AGBL4: variants seen among roughly 807,000 people sequenced by gnomAD.
AGBL4 encodes the protein cytosolic carboxypeptidase 6.
A neutral mutation model predicts 66.4 loss-of-function variants in AGBL4; 58 were observed. The observed-to-expected ratio is 0.87, with a 90% confidence interval of 0.71 to 1.09. The LOEUF is 1.09. Among genes scored for constraint, AGBL4 ranks in the 50% least tolerant of loss-of-function variants. The pLI, the probability that AGBL4 is intolerant of heterozygous loss-of-function variation, is 0.00. For synonymous variants in AGBL4, 234 were observed against 222.9 expected (o/e 1.05, Z -0.44); for missense variants, 579 against 631.0 (o/e 0.92, Z 0.88).
At chr1:49,474,051 G>A (rs1646800682) in intron 3 of AGBL4, among the ~76,000 whole-genome samples, 1 of 152,088 alleles carries the variant, frequency 6.6e-6, no homozygotes, top group African/African-American at 2.4e-5. Flanking sequence ...ATAGTTTGAA[G>A]TCAGGTAACA....
intron 3 of AGBL4, among the ~76,000 whole-genome samples, chr1:49,464,695 A>T (rs1318932790): frequency 6.6e-6 from 1 of 151,818 alleles, no homozygotes; most frequent in Non-Finnish European, 1.5e-5. Context: ...GAGATAACAC[A>T]GGCACATATC....
intron 2 of AGBL4, among the ~76,000 whole-genome samples, chr1:49,831,597 T>C (rs750569448): frequency 6.6e-5 from 10 of 152,192 alleles, no homozygotes; most frequent in Non-Finnish European, 1.5e-4. Flanking sequence ...TTGAATACCC[T>C]TTATTTCTTT....
At chr1:49,961,885 C>T (rs1297624421) in intron 1 of AGBL4, among the ~76,000 whole-genome samples, 1 of 152,092 alleles carries the variant, frequency 6.6e-6, no homozygotes, top group Admixed American at 6.6e-5. Flanking sequence ...GTTTTGTGTA[C>T]AGCACCTTTG....
intron 3 of AGBL4, among the ~76,000 whole-genome samples, chr1:49,504,174 C>T (rs1468247815): frequency 2.0e-5 from 3 of 152,056 alleles, no homozygotes; most frequent in Middle Eastern, 3.2e-3. Context: ...TCATTGGCAT[C>T]TCTCCTGCTT....
rs565530672 is a variant in AGBL4 at position 48,727,880 on chromosome 1, CAA to C, written c.635-64641_635-64640del. 2,787 of 1,599,672 alleles carry C rather than the reference CAA, an allele frequency of 1.7e-3. 5 individuals carry two copies. The highest frequency in any genetic ancestry group is 2.2e-3 in the Non-Finnish European group (2,621 of 1,169,822). On this transcript the variant is annotated intron_variant, in intron 6 of 13. Coordinates refer to ENST00000371839, the MANE Select transcript of AGBL4 (RefSeq NM_032785.4). ...AAACACGAAAGCTTTATGAAAAATC[CAA>C]AGTTTATTGCAAATTGTATTTTGCT...
At chr1:49,800,440 G>A (rs1206925559) in intron 2 of AGBL4, among the ~76,000 whole-genome samples, 6 of 135,064 alleles carry the variant, frequency 4.4e-5, no homozygotes, top group African/African-American at 1.1e-4. Context: ...ATGTATACAT[G>A]TGCCATGCTG....
At chr1:49,076,943 A>G (rs2147947618) in intron 4 of AGBL4, among the ~76,000 whole-genome samples, 1 of 152,312 alleles carries the variant, frequency 6.6e-6, no homozygotes, top group African/African-American at 2.4e-5. Flanking sequence ...GGCCAAAACC[A>G]ATTACAGAGA....
intron 3 of AGBL4, among the ~76,000 whole-genome samples, chr1:49,545,629 A>G (rs960553127): frequency 2.0e-5 from 3 of 152,342 alleles, no homozygotes; most frequent in East Asian, 3.9e-4. Context: ...AGACACATAT[A>G]TCTATGGTAT....
intron 3 of AGBL4, among the ~76,000 whole-genome samples, chr1:49,308,377 T>TG (rs1644885448): frequency 6.6e-6 from 1 of 152,144 alleles, no homozygotes; most frequent in South Asian, 2.1e-4. Flanking sequence ...TAGTCTTTAA[T>TG]GTCTATGTAA....
intron 1 of AGBL4, among the ~76,000 whole-genome samples, chr1:49,903,106 A>G (rs1431257166): frequency 6.6e-6 from 1 of 152,208 alleles, no homozygotes; most frequent in Non-Finnish European, 1.5e-5. Flanking sequence ...ATGTCCATCA[A>G]TGGTAGAGTG....
chr1:49,195,983 C>T (rs1647234957), intron 4 of AGBL4, among the ~76,000 whole-genome samples: 1 of 152,106 alleles, frequency 6.6e-6, no homozygotes, highest in East Asian at 1.9e-4. Context: ...CACTTCGCTC[C>T]TCATTCTTCT....
chr1:48,943,939 CA>C (rs1434688748), intron 5 of AGBL4, among the ~76,000 whole-genome samples: 1 of 152,076 alleles, frequency 6.6e-6, no homozygotes, highest in African/African-American at 2.4e-5. Flanking sequence ...GAGGTAAAGA[CA>C]ACAGAACAAT....
At chr1:49,529,971 G>C (rs1246251238) in intron 3 of AGBL4, among the ~76,000 whole-genome samples, 1 of 151,758 alleles carries the variant, frequency 6.6e-6, no homozygotes, top group African/African-American at 2.4e-5. Flanking sequence ...GGAATGGAGA[G>C]GAAAACAGGG....
chr1:49,612,128 T>A (rs1645166247), intron 3 of AGBL4, among the ~76,000 whole-genome samples: 1 of 152,216 alleles, frequency 6.6e-6, no homozygotes, highest in African/African-American at 2.4e-5. Flanking sequence ...ATGATAAATG[T>A]GCCTTTTTAT....
intron 6 of AGBL4, among the ~76,000 whole-genome samples, chr1:48,829,590 C>T (rs889447641): frequency 6.6e-6 from 1 of 152,118 alleles, no homozygotes; most frequent in Non-Finnish European, 1.5e-5. Context: ...TTCCTCCTCA[C>T]CCTTGAATAT....
chr1:48,965,832 A>C (rs977813157), intron 5 of AGBL4, among the ~76,000 whole-genome samples: 1 of 152,190 alleles, frequency 6.6e-6, no homozygotes, highest in African/African-American at 2.4e-5. Context: ...CCAGCCTGTC[A>C]TGTCAGACTT....
At chr1:48,803,411 C>T (rs1160423606) in intron 6 of AGBL4, among the ~76,000 whole-genome samples, 1 of 152,224 alleles carries the variant, frequency 6.6e-6, no homozygotes, top group African/African-American at 2.4e-5. Flanking sequence ...TCCTCTACTG[C>T]TATTTCCAAA....
chr1:49,059,151 C>T (rs1014796704), intron 4 of AGBL4, among the ~76,000 whole-genome samples: 1 of 152,172 alleles, frequency 6.6e-6, no homozygotes, highest in Non-Finnish European at 1.5e-5. Flanking sequence ...CCTCTTATCA[C>T]AGGCCCAGAG....
chr1:49,196,670 C>CT (rs553912266), intron 4 of AGBL4, among the ~76,000 whole-genome samples: 28 of 151,532 alleles, frequency 1.8e-4, no homozygotes, highest in Non-Finnish European at 2.9e-4. Flanking sequence ...TGGGGTGAGA[C>CT]TTTTTTTGTC....
Sources: gnomAD v4.1 joint callset for allele counts (sites outside exome capture counted in the v4.1 genomes callset) on GRCh38, gnomAD v4.1.1 for gene constraint, MANE v1.5 for transcripts, NCBI Gene and HGNC (gene_info 2026-07-23, HGNC 2026-07-21) for gene names.